Variants in DNAH1 observed in about 807,000 individuals in gnomAD.
DNAH1 encodes axonemal beta dynein heavy chain 1.
A neutral mutation model predicts 484.3 loss-of-function variants in DNAH1; 327 were observed. That is an observed-to-expected ratio of 0.68 (90% confidence interval 0.62 to 0.74). DNAH1 has a LOEUF of 0.74. Ranked by LOEUF, DNAH1 falls within the 30% of genes least tolerant of loss-of-function variation. The pLI is 0.00. For missense variants in DNAH1, 5,052 were observed against 5,546.8 expected, an observed-to-expected ratio of 0.91 and a Z score of 2.83; for synonymous variants, 2,192 against 2,191.9, an observed-to-expected ratio of 1.00 and a Z score of 0.00.
chr3:52,358,734 C>G lies in DNAH1; in HGVS notation c.4263C>G (p.Pro1421=), dbSNP rs61739897. Residue 1421 remains proline (P), a synonymous_variant, in exon 25 of 78, where the codon CCC becomes CCG. Transcript: ENST00000420323. This position sits in a 1 kb window ranked among gnomAD's most constrained non-coding sequence, Gnocchi z 4.2. ...TTGAGAAGGCCATCAGGGCCTACCC[C>G]ACGGTGAGCCGCCCGCAGCCCGTGC... ...DIIEKAIRAY[P]TMPRTQWVLN... The G allele has an allele frequency of 1.2e-6, 2 of 1,612,136 alleles. No homozygotes were observed. Among genetic ancestry groups the G allele is most frequent in the East Asian group, 2.2e-5 (1 of 44,828 alleles).
chr3:52,336,465 G>A (rs1488024051), intron 8 of DNAH1, among the ~76,000 whole-genome samples: 3 of 152,034 alleles, frequency 2.0e-5, no homozygotes, highest in Admixed American at 6.6e-5. Flanking sequence ...GAGGTAGGAG[G>A]ATCACTTGAA....
In DNAH1 at chr3:52,372,370, C is replaced by G. The variant is rs1415785931; in HGVS notation, c.6810C>G (p.Asp2270Glu). Reference protein sequence around the residue: ...TSANQTQDFIDSKLDKRRKGV... With the variant: ...TSANQTQDFIESKLDKRRKGV... The stretch of plus-strand genomic sequence containing the variant: ...CCAACCAGACCCAGGACTTCATTGA[C>G]AGCAAGCTGGACAAGAGGCAGGGCA... The change falls in exon 43 of 78, where the codon GAC (aspartate) becomes GAG (glutamate). Residue 2270 changes from aspartate (D) to glutamate (E), a missense_variant. Transcript: ENST00000420323. The G allele has an allele frequency of 6.2e-7, 1 of 1,613,816 alleles. No individual in the cohort carries two copies. The highest frequency in any genetic ancestry group is 2.2e-5 in the East Asian group (1 of 44,894).
intron 3 of DNAH1, among the ~76,000 whole-genome samples, 200 bp downstream of exon 3, chr3:52,324,080 T>C (rs528614912): frequency 6.6e-6 from 1 of 152,260 alleles, no homozygotes; most frequent in Admixed American, 6.5e-5. Context: ...GTCATTACTC[T>C]TAGTGGAGCC....
intron 56 of DNAH1, 60 bp from the exon 57 acceptor site, chr3:52,388,107 G>A (rs1484703223): frequency 1.9e-6 from 3 of 1,562,414 alleles, no homozygotes; most frequent in East Asian, 4.7e-5. Flanking sequence ...CATCCCAGCA[G>A]AGCCCTTCCC....
chr3:52,359,132 A>C, intron 25 of DNAH1, 114 bp from the exon 26 acceptor site: 1 of 1,456,828 alleles, frequency 6.9e-7, no homozygotes, highest in Non-Finnish European at 9.2e-7. Context: ...TGGTGGCATC[A>C]ACAACTGGAG....
chr3:52,395,224 A>C lies in DNAH1; in HGVS notation c.10969-84A>C. On this transcript the variant is annotated intron_variant, in intron 68 of 77. Coordinates refer to ENST00000420323, the MANE Select transcript of DNAH1 (RefSeq NM_015512.5). The surrounding 1 kb of genome is among the most constrained non-coding windows in gnomAD (Gnocchi z 4.4). ...CCCACCAGGAAGCCCACTGGGGACC[A>C]CTCTGAGAACCCCAGATCCCCCTCC... 3 of 1,519,616 alleles carry C rather than the reference A, an allele frequency of 2.0e-6. No individual in the cohort carries two copies. The highest frequency in any genetic ancestry group is 2.7e-6 in the Non-Finnish European group (3 of 1,125,260). The allele number at this position is 1,519,616 out of a possible 1,614,324, so 94.1% of individuals were successfully genotyped here. A position where few individuals can be genotyped will look rare whatever the true frequency, so the allele number is the denominator to read the frequency against.
At position 52,358,844 on chromosome 3, in the gene DNAH1, T is replaced by G; in HGVS notation, c.4266+107T>G. On this transcript the variant is annotated intron_variant, in intron 25 of 77. Transcript: ENST00000420323. This position sits in a 1 kb window ranked among gnomAD's most constrained non-coding sequence, Gnocchi z 4.2. ...TCGTCCTCAGGCTGCAGCCCTGAGG[T>G]CCCTGGGGGCTCAGGCGGGATTCTG... 2 of 1,333,970 alleles carry G rather than the reference T, an allele frequency of 1.5e-6. No homozygotes were observed. Among genetic ancestry groups the G allele is most frequent in the Non-Finnish European group, 2.1e-6 (2 of 966,828 alleles). 82.6% of individuals were successfully genotyped at this position (1,333,970 alleles called of 1,614,324 possible).
At chr3:52,394,139 C>T (rs1704514290) in intron 66 of DNAH1, among the ~76,000 whole-genome samples, 1 of 152,272 alleles carries the variant, frequency 6.6e-6, no homozygotes, top group Non-Finnish European at 1.5e-5. Context: ...CCTGCCGAGA[C>T]AGTGAGAGTG....
chr3:52,399,235 G>A, intron 76 of DNAH1, 34 bp downstream of exon 76: 1 of 1,570,068 alleles, frequency 6.4e-7, no homozygotes, highest in East Asian at 2.2e-5. Context: ...TCAGGTGACA[G>A]GCTAGGGTAC....
rs1445978997 is a variant in DNAH1, at chr3:52,386,346, G to C, written c.8811+1G>C. On this transcript the variant is annotated splice_donor_variant, in intron 55 of 77. Transcript: ENST00000420323. LOFTEE classifies it high-confidence loss of function. ...CCTCAACAAGAACGATGTGACCGAGGTGGGCAGCAGGGCATCTCCTGGCAT... is the reference window on the plus strand; with the variant it reads ...CCTCAACAAGAACGATGTGACCGAGCTGGGCAGCAGGGCATCTCCTGGCAT... 1 of 1,563,928 alleles carries C rather than the reference G, an allele frequency of 6.4e-7. No individual in the cohort carries two copies.
intron 64 of DNAH1, 58 bp from the exon 65 acceptor site, chr3:52,392,772 C>T (rs1704447518): frequency 2.7e-5 from 39 of 1,439,228 alleles, no homozygotes; most frequent in Non-Finnish European, 3.6e-5. Context: ...CTAGGCCTGC[C>T]CCCCAAACCC....
chr3:52,354,913 C>G lies in DNAH1; in HGVS notation c.3551C>G (p.Thr1184Ser). Residue 1184 changes from threonine to serine, a missense_variant, in exon 21 of 78, where the codon ACC becomes AGC. Physicochemically the swap from Thr to Ser is moderately conservative, Grantham distance 58. Coordinates refer to ENST00000420323, the MANE Select transcript of DNAH1 (RefSeq NM_015512.5). Reference sequence around the variant, plus strand: ...GTACTGCCCTACAAGGCGACAGACACCTACATCCTGAAGAGCCCGGACGAG... The same window carrying G: ...GTACTGCCCTACAAGGCGACAGACAGCTACATCCTGAAGAGCCCGGACGAG... ...FNVLPYKATD[T>S]YILKSPDEAS... 1.2e-6 allele frequency: 2 copies of G among 1,614,058 alleles called. No homozygotes were observed. The highest frequency in any genetic ancestry group is 2.2e-5 in the South Asian group (2 of 91,088).
rs377060183 is a variant in DNAH1, at chr3:52,370,515, C to T, written c.6297C>T (p.Ile2099=). Residue 2099 remains isoleucine (I), a synonymous_variant, in exon 40 of 78, where the codon ATC becomes ATT. Coordinates refer to ENST00000420323, the MANE Select transcript of DNAH1 (RefSeq NM_015512.5). ...KKIPSEKLSR[I]VELIEPWFIF... ...TACCCTCTGAAAAGCTGAGTCGCAT[C>T]GTAGAGTTGATCGAGCCCTGGTTCA... The T allele has an allele frequency of 8.1e-6, 13 of 1,613,882 alleles. No individual in the cohort carries two copies. The highest frequency in any genetic ancestry group is 3.3e-5 in the South Asian group (3 of 91,090).
Position 52,399,564 on chromosome 3 carries a change from C to T in DNAH1, c.12461C>T (p.Ser4154Leu), listed in dbSNP as rs1215747150. The change falls in exon 77 of 78, where the codon TCA (serine) becomes TTA (leucine). Residue 4154 changes from serine (S) to leucine (L), a missense_variant. This residue lies in a region of DNAH1 where 853 missense variants were observed against 899.0 expected (regional missense o/e 0.95). Transcript: ENST00000420323. ...CCACAGGTGATGTTTGAGGCACCAT[C>T]AGAGTTAACACAAAGACCCCAAGTA... is the stretch of plus-strand genomic sequence containing the variant. ...FDFKVMFEAPSELTQRPQVGC... is the reference protein window; with the variant it reads ...FDFKVMFEAPLELTQRPQVGC... 2 of 1,611,206 alleles carry T rather than the reference C, an allele frequency of 1.2e-6. No homozygotes were observed. The highest frequency in any genetic ancestry group is 2.2e-5 in the South Asian group (2 of 90,958).
intron 63 of DNAH1, 65 bp from the exon 64 acceptor site, chr3:52,392,399 G>A (rs1047639633): frequency 2.7e-6 from 4 of 1,478,622 alleles, no homozygotes; most frequent in African/African-American, 1.4e-5. Flanking sequence ...TGGGTGACCA[G>A]GTTCACGACT....
Position 52,369,944 on chromosome 3 carries a change from C to T in DNAH1, c.6063C>T (p.Cys2021=). 1 of 1,613,998 alleles carries T rather than the reference C, an allele frequency of 6.2e-7. No homozygotes were observed. The highest frequency in any genetic ancestry group is 8.5e-7 in the Non-Finnish European group (1 of 1,179,884). Residue 2021 remains cysteine, a synonymous_variant, in exon 38 of 78, where the codon TGC becomes TGT. Transcript: ENST00000420323. ...TGGGGCTCATGCCCTTCATCGAGTG[C>T]TGGCTGAGGAAGCTGCCTCCCTTGC... ...SILGLMPFIE[C]WLRKLPPLLK...
chr3:52,362,857 A>C lies in DNAH1; in HGVS notation c.5095-138A>C. On this transcript the variant is annotated intron_variant, in intron 31 of 77. Coordinates refer to ENST00000420323, the MANE Select transcript of DNAH1 (RefSeq NM_015512.5). The surrounding 1 kb of genome is among the most constrained non-coding windows in gnomAD (Gnocchi z 5.1). ...CTCTAATGGCAGAGCTACCAGTCTC[A>C]GGGGAGTGAAAGCCTCAGCTGTGGC... is the stretch of plus-strand genomic sequence containing the variant. 1 of 1,192,478 alleles carries C rather than the reference A, an allele frequency of 8.4e-7. No individual in the cohort carries two copies. The allele number at this position is 1,192,478 out of a possible 1,614,324, so 73.9% of individuals were successfully genotyped here.
In DNAH1 at chr3:52,389,512, C is replaced by G. The variant is rs1274141915; in HGVS notation, c.9547C>G (p.His3183Asp). 6.3e-7 allele frequency: 1 copy of G among 1,596,894 alleles called. No individual in the cohort carries two copies. The highest frequency in any genetic ancestry group is 1.3e-5 in the African/African-American group (1 of 74,600). ...YDSWVKQLRS[H>D]NVPHTSEPTL... ...CAGCTGGGTCAAGCAGCTCAGGAGC[C>G]ACAATGTCCCACACACCTCCGAGCC... The change falls in exon 60 of 78, where the codon CAC (histidine) becomes GAC (aspartate). Residue 3183 changes from histidine to aspartate, a missense_variant. Around this residue, in one of 4 missense-constraint regions of DNAH1, gnomAD observed 2,929 missense variants for 3,409.4 expected, o/e 0.86. Transcript: ENST00000420323.
chr3:52,312,425 C>G (rs1700806035), upstream of DNAH1, among the ~76,000 whole-genome samples: 1 of 151,692 alleles, frequency 6.6e-6, no homozygotes, highest in South Asian at 2.1e-4. Flanking sequence ...TTCCAGAGGC[C>G]TCCAAGGATA....
Sources: allele counts gnomAD v4.1 joint callset (sites outside exome capture counted in the v4.1 genomes callset), GRCh38; gene constraint gnomAD v4.1.1; regional missense constraint gnomAD v4.1.1; non-coding constraint Gnocchi (gnomAD v3.1); transcripts MANE v1.5; gene names NCBI Gene and HGNC (gene_info 2026-07-23, HGNC 2026-07-21).